CELF5: variants seen among roughly 807,000 people sequenced by gnomAD.
The protein encoded by CELF5 is CUG-BP and ETR-3 like factor 5.
Under a neutral mutation model 54.9 loss-of-function variants are expected in CELF5, and 6 were observed. The ratio of observed to expected loss-of-function variants is 0.11; its 90% CI spans 0.06 to 0.22. The LOEUF (loss-of-function observed/expected upper bound fraction) is 0.22. CELF5 is among the 10% of genes least tolerant of loss of function. CELF5 has a pLI of 1.00. For synonymous variants in CELF5, 271 were observed against 290.9 expected, an observed-to-expected ratio of 0.93 and a Z score of 0.70; for missense variants, 401 against 678.6, an observed-to-expected ratio of 0.59 and a Z score of 4.54.
chr19:3,261,570 A>T (rs1353306534), intron 2 of CELF5, among the ~76,000 whole-genome samples: 1 of 152,164 alleles, frequency 6.6e-6, no homozygotes, highest in Non-Finnish European at 1.5e-5. Context: ...CTGTAATCCC[A>T]GTGTTTTGGG....
At chr19:3,229,380 A>G (rs551413361) in intron 1 of CELF5, among the ~76,000 whole-genome samples, 3 of 152,246 alleles carry the variant, frequency 2.0e-5, no homozygotes, top group African/African-American at 7.2e-5. Flanking sequence ...TAGGGGACGG[A>G]GACAGCTGGG....
At chr19:3,265,932 G>A (rs766828528) in intron 2 of CELF5, among the ~76,000 whole-genome samples, 8 of 151,776 alleles carry the variant, frequency 5.3e-5, no homozygotes, top group Non-Finnish European at 8.8e-5. Flanking sequence ...TCAGCCTCCC[G>A]AGTAGCTGGG....
chr19:3,290,125 C>T (rs964107080), intron 10 of CELF5, 106 bp from the exon 11 acceptor site: 22 of 830,356 alleles, frequency 2.6e-5, no homozygotes, highest in African/African-American at 1.5e-4. Flanking sequence ...ACCCCTCTCC[C>T]GACAGCTGGA....
chr19:3,229,814 C>G (rs751664030), intron 1 of CELF5, among the ~76,000 whole-genome samples: 14 of 151,796 alleles, frequency 9.2e-5, no homozygotes, highest in Non-Finnish European at 1.9e-4. Context: ...TGACAATGTG[C>G]GAGGGCCCAG....
intron 1 of CELF5, among the ~76,000 whole-genome samples, chr19:3,225,856 A>G (rs945996002): frequency 1.3e-5 from 2 of 151,652 alleles, no homozygotes; most frequent in African/African-American, 2.4e-5. Flanking sequence ...GCCCAAGACA[A>G]TGAGCTTGGA....
chr19:3,258,271 A>T (rs1020161891), intron 2 of CELF5, among the ~76,000 whole-genome samples: 1 of 150,254 alleles, frequency 6.7e-6, no homozygotes, highest in Admixed American at 6.6e-5. Context: ...TGATTTTTAA[A>T]TTTTAAATTT....
At chr19:3,246,312 T>C (rs2079565987) in intron 1 of CELF5, among the ~76,000 whole-genome samples, 1 of 151,724 alleles carries the variant, frequency 6.6e-6, no homozygotes, top group African/African-American at 2.4e-5. Flanking sequence ...TGCAGTGAGC[T>C]GAGATTGCGC....
At position 3,275,307 on chromosome 19, in the gene CELF5, C is replaced by A. The variant is rs992132537; in HGVS notation, c.395-549C>A. Among the ~76,000 whole-genome samples the A allele has an allele frequency of 6.6e-6, 1 of 152,196 alleles. No homozygotes were observed. Among genetic ancestry groups the A allele is most frequent in the African/African-American group, 2.4e-5 (1 of 41,458 alleles). ...CCCCTGGTCCACTGAGCACGTGAAC[C>A]CTCACTCCACTCCACAGATGGTGAC... On this transcript the variant is annotated intron_variant, in intron 3 of 12. Coordinates refer to ENST00000292672, the MANE Select transcript of CELF5 (RefSeq NM_021938.4). This position sits in a 1 kb window ranked among gnomAD's most constrained non-coding sequence, Gnocchi z 6.7.
intron 1 of CELF5, among the ~76,000 whole-genome samples, chr19:3,241,242 A>AT (rs373217897): frequency 1.8e-3 from 260 of 143,176 alleles, no homozygotes; most frequent in Middle Eastern, 0.014. Context: ...CGCCCAGCTA[A>AT]TTTTTTTTTT....
At chr19:3,247,138 TTTG>T (rs1295531488) in intron 1 of CELF5, among the ~76,000 whole-genome samples, 6 of 151,878 alleles carry the variant, frequency 4.0e-5, no homozygotes, top group Admixed American at 6.6e-5. Context: ...ACTTTTTACT[TTTG>T]TTGTTGAGAC....
At chr19:3,233,403 A>C (rs1290148813) in intron 1 of CELF5, among the ~76,000 whole-genome samples, 3 of 151,930 alleles carry the variant, frequency 2.0e-5, no homozygotes, top group African/African-American at 7.2e-5. Context: ...ACTAGGAAAC[A>C]AATAAAGTTG....
intron 11 of CELF5, among the ~76,000 whole-genome samples, 189 bp downstream of exon 11, chr19:3,290,563 C>CTT (rs34393788): frequency 2.4e-5 from 3 of 126,996 alleles, no homozygotes; most frequent in South Asian, 2.6e-4. Flanking sequence ...GTTTGGGTTT[C>CTT]TTTTTTTTTT....
chr19:3,269,810 G>A (rs1042485247), intron 2 of CELF5, among the ~76,000 whole-genome samples: 24 of 152,122 alleles, frequency 1.6e-4, no homozygotes, highest in African/African-American at 4.3e-4. Context: ...CGTCCACGCC[G>A]GAGTGCAGTG....
intron 1 of CELF5, 106 bp from the exon 2 acceptor site, chr19:3,250,879 G>GTTCGCC: frequency 1.7e-6 from 1 of 596,378 alleles, no homozygotes; most frequent in Non-Finnish European, 3.0e-6. Context: ...ATGCATCTGT[G>GTTCGCC]GATGGAAGCT....
intron 2 of CELF5, among the ~76,000 whole-genome samples, chr19:3,253,534 G>T (rs10424519): frequency 6.6e-6 from 1 of 152,110 alleles, no homozygotes; most frequent in Non-Finnish European, 1.5e-5. Flanking sequence ...GAGTGATCAA[G>T]GAGGAAGCCA....
chr19:3,292,678 G>T (rs1353465324), intron 11 of CELF5, among the ~76,000 whole-genome samples: 1 of 152,084 alleles, frequency 6.6e-6, no homozygotes, highest in Non-Finnish European at 1.5e-5. Context: ...GACAGAAGGA[G>T]AGGGAGAGGA....
chr19:3,244,561 T>C (rs1027007595), intron 1 of CELF5, among the ~76,000 whole-genome samples: 1 of 149,450 alleles, frequency 6.7e-6, no homozygotes, highest in Non-Finnish European at 1.5e-5. Context: ...ATGCATTGCG[T>C]GTGATGTGTG....
intron 2 of CELF5, among the ~76,000 whole-genome samples, chr19:3,267,203 C>A (rs748378503): frequency 1.8e-4 from 28 of 152,152 alleles, no homozygotes; most frequent in African/African-American, 6.3e-4. Flanking sequence ...TGACTTTCCA[C>A]TTCTACCCCC....
At chr19:3,265,539 C>T (rs777706108) in intron 2 of CELF5, among the ~76,000 whole-genome samples, 10 of 152,078 alleles carry the variant, frequency 6.6e-5, no homozygotes, top group Non-Finnish European at 1.3e-4. Context: ...GACAGAGTCT[C>T]GCTGTTTTTT....
Sources: allele counts gnomAD v4.1 joint callset (sites outside exome capture counted in the v4.1 genomes callset), GRCh38; gene constraint gnomAD v4.1.1; non-coding constraint Gnocchi (gnomAD v3.1); transcripts MANE v1.5; gene names NCBI Gene and HGNC (gene_info 2026-07-23, HGNC 2026-07-21).